The following COL6A6 variants were observed in gnomAD, a reference collection of about 807,000 sequenced individuals.
The protein encoded by COL6A6 is collagen type VI alpha 6 chain, also known as collagen alpha-6(VI) chain.
In COL6A6, 183 loss-of-function variants were observed where a neutral mutation model predicts 208.6. The ratio of observed to expected loss-of-function variants is 0.88; its 90% CI spans 0.78 to 0.99. COL6A6 has a LOEUF of 0.99. Ranked by LOEUF, COL6A6 falls within the 50% of genes least tolerant of loss-of-function variation. The pLI, the probability that COL6A6 is intolerant of heterozygous loss-of-function variation, is 0.00. For missense variants in COL6A6, 2,816 were observed against 2,815.2 expected (o/e 1.00, Z -0.01); for synonymous variants, 973 against 1,011.8 (o/e 0.96, Z 0.73).
intron 20 of COL6A6, among the ~76,000 whole-genome samples, chr3:130,605,617 C>A (rs1332207533): frequency 6.6e-6 from 1 of 152,110 alleles, no homozygotes; most frequent in African/African-American, 2.4e-5. Context: ...CATGATGATT[C>A]ATCAGTTTTG....
rs1226467749 is a variant in COL6A6, at chr3:130,565,606, T to C, written c.1274T>C (p.Leu425Pro). The change falls in exon 4 of 37, where the codon CTC becomes CCC. Residue 425 changes from leucine to proline, a missense_variant. Physicochemically the swap from Leu to Pro is moderately conservative, Grantham distance 98. Coordinates refer to ENST00000358511, the MANE Select transcript of COL6A6 (RefSeq NM_001102608.3). ...VSVFSERTETLKSGCVDTEEA... is the reference protein window; with the variant it reads ...VSVFSERTETPKSGCVDTEEA... ...GTCTTTTCAGAGAGGACTGAAACGC[T>C]CAAATCTGGTAAGGTCTTCTGCTGA... The C allele has an allele frequency of 6.2e-7, 1 of 1,610,144 alleles. No individual in the cohort carries two copies. The highest frequency in any genetic ancestry group is 1.1e-5 in the South Asian group (1 of 90,304).
chr3:130,674,890 T>C (rs1397902231), intron 36 of COL6A6, among the ~76,000 whole-genome samples: 5 of 152,166 alleles, frequency 3.3e-5, no homozygotes, highest in Non-Finnish European at 5.9e-5. Flanking sequence ...TGGTGGTCTG[T>C]GATGAGGTAC....
chr3:130,617,443 C>T (rs1035449689), intron 23 of COL6A6, among the ~76,000 whole-genome samples: 1 of 152,106 alleles, frequency 6.6e-6, no homozygotes, highest in Admixed American at 6.5e-5. Flanking sequence ...GAAAGGCAGG[C>T]ATGCAGAAAG....
chr3:130,527,438 G>T (rs1241549205), intron 1 of COL6A6, among the ~76,000 whole-genome samples: 2 of 152,184 alleles, frequency 1.3e-5, no homozygotes, highest in Non-Finnish European at 2.9e-5. Context: ...TAAGAAGGTA[G>T]CCATTCAAAA....
chr3:130,596,749 T>C (rs1162143648), intron 18 of COL6A6, among the ~76,000 whole-genome samples: 1 of 152,234 alleles, frequency 6.6e-6, no homozygotes, highest in East Asian at 1.9e-4. Context: ...ACATGGCACA[T>C]GTATACATAT....
chr3:130,650,365 G>C (rs957798288), intron 33 of COL6A6, among the ~76,000 whole-genome samples: 28 of 152,198 alleles, frequency 1.8e-4, no homozygotes, highest in African/African-American at 6.0e-4. Context: ...GCTCACGCCT[G>C]TAATCCCAGC....
At chr3:130,666,744 G>A (rs1016131472) in intron 36 of COL6A6, among the ~76,000 whole-genome samples, 14 of 151,984 alleles carry the variant, frequency 9.2e-5, no homozygotes, top group Admixed American at 9.2e-4. Context: ...TATCTAATTG[G>A]AATTCTAGAA....
chr3:130,594,186 T>G, intron 17 of COL6A6, 95 bp from the exon 18 acceptor site: 1 of 976,294 alleles, frequency 1.0e-6, no homozygotes, highest in Non-Finnish European at 1.6e-6. Context: ...AGAAAAATAT[T>G]TAATTATTCA....
Position 130,560,435 on chromosome 3 carries a change from A to G in COL6A6, c.64+7A>G. The G allele has an allele frequency of 6.2e-7, 1 of 1,604,770 alleles. No individual in the cohort carries two copies. Among genetic ancestry groups the G allele is most frequent in the Non-Finnish European group, 8.5e-7 (1 of 1,174,174 alleles). On this transcript the variant is annotated splice_region_variant and intron_variant, in intron 2 of 36. Transcript: ENST00000358511. ...TCTGTGAACCAAGATTCCGGTAAGG[A>G]AAAACTGGAAAGAATTCTTAATTTT...
intron 12 of COL6A6, among the ~76,000 whole-genome samples, chr3:130,590,743 A>G (rs1242703029): frequency 6.6e-6 from 1 of 150,742 alleles, no homozygotes; most frequent in Admixed American, 6.6e-5. Context: ...AATTTTTTAT[A>G]TTTTTAGTAG....
intron 33 of COL6A6, among the ~76,000 whole-genome samples, chr3:130,653,752 G>A (rs921893570): frequency 2.6e-5 from 4 of 152,170 alleles, no homozygotes; most frequent in Admixed American, 1.3e-4. Context: ...GTGGTAGGAT[G>A]AATGAACTCT....
chr3:130,675,198 A>G lies in COL6A6; in HGVS notation c.6597-4A>G. The G allele has an allele frequency of 6.5e-7, 1 of 1,540,446 alleles. No individual in the cohort carries two copies. Among genetic ancestry groups the G allele is most frequent in the East Asian group, 2.3e-5 (1 of 43,504 alleles). On this transcript the variant is annotated splice_region_variant and splice_polypyrimidine_tract_variant and intron_variant, in intron 36 of 36. Transcript: ENST00000358511. ...CTTCTATGATGTTCTCTTTTGTTGT[A>G]TAGCTTTGTTCCTGGACCACTTAAA... is the stretch of plus-strand genomic sequence containing the variant.
At chr3:130,587,909 A>C (rs774714361) in intron 11 of COL6A6, among the ~76,000 whole-genome samples, 1 of 152,092 alleles carries the variant, frequency 6.6e-6, no homozygotes, top group Non-Finnish European at 1.5e-5. Flanking sequence ...CTCTTTGGTA[A>C]TTCATAGAGG....
At chr3:130,595,383 A>G (rs2063825266) in intron 18 of COL6A6, among the ~76,000 whole-genome samples, 1 of 152,212 alleles carries the variant, frequency 6.6e-6, no homozygotes, top group South Asian at 2.1e-4. Flanking sequence ...TACACAGCTT[A>G]ATGAATGTGA....
chr3:130,654,649 C>G (rs2065739049), intron 33 of COL6A6, among the ~76,000 whole-genome samples: 1 of 152,252 alleles, frequency 6.6e-6, no homozygotes, highest in Admixed American at 6.5e-5. Flanking sequence ...TAAGCAGCCT[C>G]TGCTTTTACC....
chr3:130,521,676 C>G (rs1181485520), intron 1 of COL6A6, among the ~76,000 whole-genome samples: 1 of 152,222 alleles, frequency 6.6e-6, no homozygotes, highest in East Asian at 1.9e-4. Flanking sequence ...CACTGTGACT[C>G]TGTCTGAGGG....
At position 130,593,116 on chromosome 3, in the gene COL6A6, C is replaced by T; in HGVS notation, c.4416+11C>T. ...TTAAACGGAGAACAGGTAGAGCCTT[C>T]TTGTACCATAGAGACCCTTCTGAGC... On this transcript the variant is annotated intron_variant, in intron 16 of 36. Coordinates refer to ENST00000358511, the MANE Select transcript of COL6A6 (RefSeq NM_001102608.3). 1 of 1,613,304 alleles carries T rather than the reference C, an allele frequency of 6.2e-7. No homozygotes were observed. Among genetic ancestry groups the T allele is most frequent in the East Asian group, 2.2e-5 (1 of 44,874 alleles).
At chr3:130,548,891 G>T (rs766388697) in intron 1 of COL6A6, among the ~76,000 whole-genome samples, 1 of 152,200 alleles carries the variant, frequency 6.6e-6, no homozygotes, top group Admixed American at 6.5e-5. Flanking sequence ...GGGGGCAGGG[G>T]TTTGTCCTGT....
At chr3:130,538,452 T>TA (rs1282908624) in intron 1 of COL6A6, among the ~76,000 whole-genome samples, 2 of 152,050 alleles carry the variant, frequency 1.3e-5, no homozygotes, top group African/African-American at 4.8e-5. Context: ...GCAACAAAAA[T>TA]AAAAATAATG....
Sources: allele counts gnomAD v4.1 joint callset (sites outside exome capture counted in the v4.1 genomes callset), GRCh38; gene constraint gnomAD v4.1.1; transcripts MANE v1.5; gene names NCBI Gene and HGNC (gene_info 2026-07-23, HGNC 2026-07-21).